Variants in ATP8B1 observed in about 807,000 individuals in gnomAD.
ATP8B1 encodes ATPase phospholipid transporting 8B1.
Under a neutral mutation model 149.9 loss-of-function variants are expected in ATP8B1, and 80 were observed. That is an observed-to-expected ratio of 0.53 (90% CI 0.45 to 0.64). ATP8B1 has a LOEUF of 0.64. Among genes scored for constraint, ATP8B1 ranks in the 30% least tolerant of loss-of-function variants. The pLI is 0.00. For missense variants in ATP8B1, 1,247 were observed against 1,552.6 expected (o/e 0.80, Z 3.31); for synonymous variants, 536 against 562.8 (o/e 0.95, Z 0.67).
chr18:57,691,876 C>T lies in ATP8B1; in HGVS notation c.1151G>A (p.Arg384His), dbSNP rs2271260. 416 of 1,614,072 alleles carry T rather than the reference C, an allele frequency of 2.6e-4. 7 individuals are homozygous for T. In the East Asian group the frequency reaches 8.0e-3, roughly 31 times the overall value. ...ATAGCCCCAGAAAATGAGGAATCCA[C>T]GGTAGGAGGGTGTATCGTCTTCTCC... ...YDGEDDTPSY[R>H]GFLIFWGYII... is the part of the protein sequence containing the mutation. The change falls in exon 12 of 28, where the codon CGT (arginine) becomes CAT (histidine). Residue 384 changes from arginine to histidine, a missense_variant. Physicochemically the swap from Arg to His is conservative, Grantham distance 29. Transcript: ENST00000648908.
intron 4 of ATP8B1, among the ~76,000 whole-genome samples, chr18:57,703,372 C>G (rs538425137): frequency 7.6e-4 from 115 of 152,130 alleles, no homozygotes; most frequent in Non-Finnish European, 1.0e-3. Context: ...GAGTTTGAGA[C>G]CAGCCTGGTC....
At chr18:57,797,147 A>G (rs931656217) in intron 1 of ATP8B1, among the ~76,000 whole-genome samples, 1 of 152,222 alleles carries the variant, frequency 6.6e-6, no homozygotes, top group Non-Finnish European at 1.5e-5. Flanking sequence ...TACTAAGTGA[A>G]GGACAGTATT....
chr18:57,773,201 T>TAAAAAA (rs34028925), intron 1 of ATP8B1, among the ~76,000 whole-genome samples: 3 of 139,444 alleles, frequency 2.2e-5, no homozygotes, highest in Admixed American at 7.3e-5. Context: ...GACTCTGTCT[T>TAAAAAA]AAAAAAAAAA....
chr18:57,779,585 C>T (rs189701731), intron 1 of ATP8B1, among the ~76,000 whole-genome samples: 2,080 of 152,226 alleles, frequency 0.014, 25 homozygotes, highest in South Asian at 0.021. Flanking sequence ...TATAATTATC[C>T]ATTCTTAACT....
chr18:57,710,934 C>T (rs1033424463), intron 2 of ATP8B1, among the ~76,000 whole-genome samples: 2 of 152,178 alleles, frequency 1.3e-5, no homozygotes, highest in African/African-American at 4.8e-5. Flanking sequence ...TGTACCTGGC[C>T]TCAAATGGCT....
chr18:57,671,410 G>A (rs1210194088), intron 17 of ATP8B1, 58 bp downstream of exon 17: 1 of 1,381,956 alleles, frequency 7.2e-7, no homozygotes, highest in Non-Finnish European at 1.0e-6. Flanking sequence ...AAACTTAACA[G>A]ACAGCATCAG....
At chr18:57,677,819 C>T (rs1055501847) in intron 15 of ATP8B1, among the ~76,000 whole-genome samples, 3 of 151,850 alleles carry the variant, frequency 2.0e-5, no homozygotes, top group African/African-American at 4.8e-5. Context: ...GTTGGCACAG[C>T]GATATATGGC....
At chr18:57,794,038 A>G (rs1230258348) in intron 1 of ATP8B1, among the ~76,000 whole-genome samples, 1 of 152,218 alleles carries the variant, frequency 6.6e-6, no homozygotes, top group Non-Finnish European at 1.5e-5. Context: ...CAAGAGATTA[A>G]CCATGTTAAC....
chr18:57,737,833 G>A (rs1217929602), intron 1 of ATP8B1: 1 of 152,268 alleles, frequency 6.6e-6, no homozygotes, highest in Admixed American at 6.5e-5. Flanking sequence ...GAATGGATTT[G>A]ACAACCCACA....
chr18:57,767,492 C>G (rs1319324487), intron 1 of ATP8B1, among the ~76,000 whole-genome samples: 2 of 152,050 alleles, frequency 1.3e-5, no homozygotes, highest in Non-Finnish European at 2.9e-5. Flanking sequence ...GGGCTAGAAA[C>G]AGGAACGCTT....
At chr18:57,705,858 T>TTTATTA (rs888130782) in intron 3 of ATP8B1, among the ~76,000 whole-genome samples, 1 of 151,776 alleles carries the variant, frequency 6.6e-6, no homozygotes, top group Non-Finnish European at 1.5e-5. Flanking sequence ...ACACTTAATA[T>TTTATTA]TTATTATTAT....
At chr18:57,732,231 ATG>A (rs72039973) in intron 1 of ATP8B1, among the ~76,000 whole-genome samples, 489 of 8,242 alleles carry the variant, frequency 0.059, 1 homozygote, top group Middle Eastern at 0.12. Context: ...ATATGTATAT[ATG>A]TGTATATATA....
intron 16 of ATP8B1, among the ~76,000 whole-genome samples, chr18:57,674,461 T>G (rs1911470175): frequency 6.9e-6 from 1 of 145,074 alleles, no homozygotes; most frequent in Non-Finnish European, 1.5e-5. Flanking sequence ...GTCGGCTCAC[T>G]GCAAGCTCTG....
intron 4 of ATP8B1, 145 bp from the exon 5 acceptor site, chr18:57,701,458 C>A: frequency 1.3e-6 from 1 of 769,992 alleles, no homozygotes; most frequent in Non-Finnish European, 2.2e-6. Flanking sequence ...ATAGGAAAGG[C>A]TCTTCAAGCA....
At chr18:57,681,498 T>C (rs1377408266) in intron 15 of ATP8B1, among the ~76,000 whole-genome samples, 2 of 151,968 alleles carry the variant, frequency 1.3e-5, no homozygotes, top group African/African-American at 4.8e-5. Context: ...CACTACAGAG[T>C]AGCAGAAAAC....
intron 23 of ATP8B1, among the ~76,000 whole-genome samples, chr18:57,654,880 T>C (rs1909888700): frequency 6.6e-6 from 1 of 150,978 alleles, no homozygotes. Context: ...AGAGACCAGG[T>C]TTCACCATGT....
rs1356673393 is a variant in ATP8B1 at position 57,675,001 on chromosome 18, G to A, written c.1652C>T (p.Ala551Val). The A allele has an allele frequency of 6.2e-7, 1 of 1,614,006 alleles. No individual in the cohort carries two copies. The highest frequency in any genetic ancestry group is 1.3e-5 in the African/African-American group (1 of 74,944). The change falls in exon 16 of 28, where the codon GCC (alanine) becomes GTC (valine). Residue 551 changes from alanine (A) to valine (V), a missense_variant. Transcript: ENST00000648908. ...TACCAGGGCACCTTCATCGGGAGAGGCTGCCTGGTAGTTGAGCTGACCTAA... is the reference window on the plus strand; with the variant it reads ...TACCAGGGCACCTTCATCGGGAGAGACTGCCTGGTAGTTGAGCTGACCTAA... ...RTDGQLNYQA[A>V]SPDEGALVNA...
intron 1 of ATP8B1, among the ~76,000 whole-genome samples, chr18:57,768,468 A>G (rs971803552): frequency 6.6e-6 from 1 of 151,522 alleles, no homozygotes; most frequent in Non-Finnish European, 1.5e-5. Flanking sequence ...GAATCCTAGA[A>G]TCATACCTAT....
At chr18:57,713,187 CTTT>C (rs1568207438) in intron 2 of ATP8B1, among the ~76,000 whole-genome samples, 48 of 98,342 alleles carry the variant, frequency 4.9e-4, no homozygotes, top group Non-Finnish European at 7.6e-4. Context: ...TTCTTTCTTT[CTTT>C]CTTTCTTTCC....
Sources: allele counts gnomAD v4.1 joint callset (sites outside exome capture counted in the v4.1 genomes callset), GRCh38; gene constraint gnomAD v4.1.1; transcripts MANE v1.5; gene names NCBI Gene and HGNC (gene_info 2026-07-23, HGNC 2026-07-21).